The following RILPL1 variants were observed in gnomAD, a reference collection of about 807,000 sequenced individuals.
RILPL1 encodes Rab interacting lysosomal protein like 1.
A neutral mutation model predicts 50.3 loss-of-function variants in RILPL1; 33 were observed. The ratio of observed to expected loss-of-function variants is 0.66; its 90% CI spans 0.50 to 0.88. The LOEUF (loss-of-function observed/expected upper bound fraction) is 0.88, where lower values mean the gene tolerates loss of function less well. Among genes scored for constraint, RILPL1 ranks in the 40% least tolerant of loss-of-function variants. The pLI is 0.00. For missense variants in RILPL1, 418 were observed against 542.5 expected, an observed-to-expected ratio of 0.77 and a Z score of 2.28; for synonymous variants, 205 against 228.6, an observed-to-expected ratio of 0.90 and a Z score of 0.93.
intron 1 of RILPL1, among the ~76,000 whole-genome samples, chr12:123,526,317 T>TAAAAATAA (rs58426654): frequency 1.3e-5 from 2 of 151,402 alleles, no homozygotes; most frequent in Non-Finnish European, 2.9e-5. Context: ...AAAAATAAAA[T>TAAAAATAA]TAAAATAAAA....
At chr12:123,477,738 A>G (rs1881692179) in intron 6 of RILPL1, among the ~76,000 whole-genome samples, 2 of 151,962 alleles carry the variant, frequency 1.3e-5, no homozygotes, top group African/African-American at 4.8e-5. Context: ...ACTACCGGAC[A>G]CAGTTAGCTT....
intron 3 of RILPL1, among the ~76,000 whole-genome samples, 169 bp downstream of exon 3, chr12:123,499,249 A>C (rs1883216041): frequency 6.6e-6 from 1 of 152,056 alleles, no homozygotes; most frequent in Non-Finnish European, 1.5e-5. Context: ...GCCAGTGAAG[A>C]CTTGAAGTTT....
At chr12:123,510,831 T>C (rs1884080739) in intron 2 of RILPL1, among the ~76,000 whole-genome samples, 1 of 123,664 alleles carries the variant, frequency 8.1e-6, no homozygotes, top group Non-Finnish European at 1.7e-5. Context: ...CTGTGTATGG[T>C]GTGTGTGAGG....
chr12:123,533,038 C>A lies in RILPL1; in HGVS notation c.309+136G>T, dbSNP rs542335189. On this transcript the variant is annotated intron_variant, in intron 1 of 6. Coordinates refer to ENST00000376874, the MANE Select transcript of RILPL1 (RefSeq NM_178314.5). The surrounding 1 kb of genome is among the most constrained non-coding windows in gnomAD (Gnocchi z 6.2). ...GGCAAAAGAAGGCCAGGGCCTCCCT[C>A]CCTCCCCACGTCGGGTCTCCTCTGG... 1.9e-5 allele frequency: 18 copies of A among 948,506 alleles called. No individual in the cohort carries two copies. The South Asian group carries it at 3.0e-4, about 16-fold the overall frequency. The allele number at this position is 948,506 out of a possible 1,614,324, so 58.8% of individuals were successfully genotyped here. A position where few individuals can be genotyped will look rare whatever the true frequency, so the allele number is the denominator to read the frequency against.
Position 123,472,518 on chromosome 12 carries a change from A to G in RILPL1, c.*20T>C, listed in dbSNP as rs1881256334. ...GCTGGTGGCGGGCAGTCCAGGTTGG[A>G]GGGTGGAGATGGGCCAAGGTCACAG... On this transcript the variant is annotated 3_prime_UTR_variant, in exon 7 of 7. Transcript: ENST00000376874. 6.5e-7 allele frequency: 1 copy of G among 1,549,850 alleles called. No individual in the cohort carries two copies. Among genetic ancestry groups the G allele is most frequent in the Non-Finnish European group, 8.7e-7 (1 of 1,146,856 alleles).
At chr12:123,482,756 C>T (rs946824001) in intron 6 of RILPL1, among the ~76,000 whole-genome samples, 23 of 151,674 alleles carry the variant, frequency 1.5e-4, no homozygotes, top group Admixed American at 1.2e-3. Flanking sequence ...GTAGCTGGGA[C>T]CATACCCAGC....
At chr12:123,521,550 TGTGTATATATATTAATATATATACACAC>T (rs1472769670) in intron 2 of RILPL1, among the ~76,000 whole-genome samples, 1 of 9,554 alleles carries the variant, frequency 1.0e-4, no homozygotes, top group African/African-American at 2.1e-4. Flanking sequence ...TATATATATG[TGTGTATATATATTAATATATATACACAC>T]ATATGTGTAT....
intron 4 of RILPL1, among the ~76,000 whole-genome samples, chr12:123,486,099 G>A (rs1220133346): frequency 3.9e-5 from 6 of 152,150 alleles, no homozygotes; most frequent in African/African-American, 1.4e-4. Context: ...ATCCAGGGAG[G>A]AGCTGTCACA....
intron 4 of RILPL1, among the ~76,000 whole-genome samples, chr12:123,486,529 T>G (rs1882344659): frequency 6.6e-6 from 1 of 152,198 alleles, no homozygotes; most frequent in African/African-American, 2.4e-5. Flanking sequence ...CATTTGAACC[T>G]TTTAAAAGTG....
rs1882675879 is a variant in RILPL1, at chr12:123,491,304, G to A, written c.802-5499C>T. Reference sequence around the variant, plus strand: ...GATAAGCTGGGGCCTTTTGTGGGTTGTCTGCTGATCCCTGGAGGTACTCTG... The same window carrying A: ...GATAAGCTGGGGCCTTTTGTGGGTTATCTGCTGATCCCTGGAGGTACTCTG... On this transcript the variant is annotated intron_variant, in intron 4 of 6. Transcript: ENST00000376874. The surrounding 1 kb of genome is among the most constrained non-coding windows in gnomAD (Gnocchi z 4.0). Among the ~76,000 whole-genome samples the A allele has an allele frequency of 6.6e-6, 1 of 152,168 alleles. No homozygotes were observed. The highest frequency in any genetic ancestry group is 6.5e-5 in the Admixed American group (1 of 15,276).
chr12:123,495,064 T>C (rs1385503527), intron 4 of RILPL1, among the ~76,000 whole-genome samples: 1 of 152,208 alleles, frequency 6.6e-6, no homozygotes, highest in African/African-American at 2.4e-5. Context: ...TAAACATGCA[T>C]ATTCTAGGTC....
rs1002510319 is a variant in RILPL1 at position 123,485,261 on chromosome 12, T to C, written c.974+372A>G. On this transcript the variant is annotated intron_variant, in intron 5 of 6. Transcript: ENST00000376874. The surrounding 1 kb of genome is among the most constrained non-coding windows in gnomAD (Gnocchi z 4.0). ...AAGCATGAGAGTGAACAGGATAATGTAGGAGGTGAAAAGGGCCACATAGAC... is the reference window on the plus strand; with the variant it reads ...AAGCATGAGAGTGAACAGGATAATGCAGGAGGTGAAAAGGGCCACATAGAC... 8.6e-6 allele frequency: 4 copies of C among 463,336 alleles called. No individual in the cohort carries two copies. The highest frequency in any genetic ancestry group is 6.8e-5 in the East Asian group (1 of 14,778). The allele number at this position is 463,336 out of a possible 1,614,324, so 28.7% of individuals were successfully genotyped here.
Position 123,524,659 on chromosome 12 carries a change from AGAAGCCAGAC to A in RILPL1, c.310-1024_310-1015del, listed in dbSNP as rs1885186222. Among the ~76,000 whole-genome samples, 6 of 152,232 alleles carry A rather than the reference AGAAGCCAGAC, an allele frequency of 3.9e-5. No homozygotes were observed. In the South Asian group the frequency reaches 1.2e-3, roughly 31 times the overall value. On this transcript the variant is annotated intron_variant, in intron 1 of 6. Transcript: ENST00000376874. Reference sequence around the variant, plus strand: ...GGTGGACCCTGAAAACATTATGGAAAGAAGCCAGACACAAAAGGTCACATGTTATATGATC... The same window carrying A: ...GGTGGACCCTGAAAACATTATGGAAAACAAAAGGTCACATGTTATATGATC...
chr12:123,486,592 C>T (rs1456534358), intron 4 of RILPL1, among the ~76,000 whole-genome samples: 2 of 152,248 alleles, frequency 1.3e-5, no homozygotes, highest in Non-Finnish European at 2.9e-5. Context: ...ACCACCACCT[C>T]TGTCCAGTTC....
In RILPL1 at chr12:123,512,315, G is replaced by A. The variant is rs188835931; in HGVS notation, c.460+11180C>T. On this transcript the variant is annotated intron_variant, in intron 2 of 6. Transcript: ENST00000376874. ...GTCTGTGTGGAGGTCTGTGTGTGGT[G>A]TCAATGTGAGGTCTCTGTGTGGTGT... 4.2e-4 allele frequency among the ~76,000 whole-genome samples: 43 copies of A among 101,184 alleles called. 2 individuals are homozygous for A. The highest frequency in any genetic ancestry group is 1.4e-3 in the African/African-American group (37 of 25,522). The allele number at this position is 101,184 out of a possible 152,430, so 66.4% of individuals were successfully genotyped here.
chr12:123,526,492 T>C (rs2139390219), intron 1 of RILPL1, among the ~76,000 whole-genome samples: 1 of 151,652 alleles, frequency 6.6e-6, no homozygotes, highest in Admixed American at 6.6e-5. Context: ...CCGGGAAGGG[T>C]GGGTGTGAGG....
chr12:123,517,429 T>C, intron 2 of RILPL1, among the ~76,000 whole-genome samples: 1 of 150,184 alleles, frequency 6.7e-6, no homozygotes, highest in Middle Eastern at 3.2e-3. Flanking sequence ...TTATTGTTTT[T>C]TTTTTTTTTT....
intron 2 of RILPL1, among the ~76,000 whole-genome samples, chr12:123,517,209 C>T (rs561943918): frequency 3.3e-5 from 5 of 152,196 alleles, no homozygotes; most frequent in Admixed American, 2.0e-4. Flanking sequence ...ATGCCGACAG[C>T]CCCCAGAGGC....
At chr12:123,518,293 C>T (rs972551258) in intron 2 of RILPL1, 7 of 396,754 alleles carry the variant, frequency 1.8e-5, no homozygotes, top group East Asian at 9.3e-5. Context: ...TGCTTGAGGC[C>T]GGGAGTTTCA....
Sources: allele counts gnomAD v4.1 joint callset (sites outside exome capture counted in the v4.1 genomes callset), GRCh38; gene constraint gnomAD v4.1.1; non-coding constraint Gnocchi (gnomAD v3.1); transcripts MANE v1.5; gene names NCBI Gene and HGNC (gene_info 2026-07-23, HGNC 2026-07-21).